The following PCDHA9 variants were observed in gnomAD, a reference collection of about 807,000 sequenced individuals.
PCDHA9 encodes protocadherin alpha 9.
A neutral mutation model predicts 62.0 loss-of-function variants in PCDHA9; 62 were observed. The observed-to-expected ratio is 1.00, with a 90% CI of 0.81 to 1.23. The LOEUF (loss-of-function observed/expected upper bound fraction) is 1.23, where lower values mean the gene tolerates loss of function less well. PCDHA9 is among the 50% of genes most tolerant of loss of function. The pLI, the probability that PCDHA9 is intolerant of heterozygous loss-of-function variation, is 0.00. For synonymous variants in PCDHA9, 557 were observed against 567.6 expected, an observed-to-expected ratio of 0.98 and a Z score of 0.27; for missense variants, 1,205 against 1,249.8, an observed-to-expected ratio of 0.96 and a Z score of 0.54.
chr5:140,975,527 A>G (rs782267941), intron 1 of PCDHA9, among the ~76,000 whole-genome samples: 2 of 152,220 alleles, frequency 1.3e-5, no homozygotes, highest in Non-Finnish European at 2.9e-5. Context: ...CAGTGGATAT[A>G]TTCTTAATAC....
chr5:140,862,165 T>C (rs1003648198), intron 1 of PCDHA9: 39 of 164,612 alleles, frequency 2.4e-4, no homozygotes, highest in Non-Finnish European at 2.3e-4. Context: ...AAGATTCAAA[T>C]ACAGGCAGTT....
Position 141,010,304 on chromosome 5 carries a change from A to C in PCDHA9, c.*367A>C. 1.3e-6 allele frequency: 2 copies of C among 1,548,750 alleles called. No homozygotes were observed. Among genetic ancestry groups the C allele is most frequent in the Non-Finnish European group, 8.7e-7 (1 of 1,146,136 alleles). On this transcript the variant is annotated 3_prime_UTR_variant, in exon 4 of 4. Coordinates refer to ENST00000532602, the MANE Select transcript of PCDHA9 (RefSeq NM_031857.2). ...ATGACACTTGCAGGGCAGGCTGAAA[A>C]GTTTTGAGATTGAGCAGCTTGGGAG...
At chr5:140,936,681 T>G (rs781812048) in intron 1 of PCDHA9, among the ~76,000 whole-genome samples, 3 of 152,246 alleles carry the variant, frequency 2.0e-5, no homozygotes, top group African/African-American at 2.4e-5. Flanking sequence ...CTATTCTGTT[T>G]CATTGGTCAA....
chr5:140,954,057 A>C (rs1554221238), intron 1 of PCDHA9, among the ~76,000 whole-genome samples: 1 of 152,112 alleles, frequency 6.6e-6, no homozygotes, highest in Admixed American at 6.5e-5. Flanking sequence ...TTCCTGCATT[A>C]TTATGCTGAG....
chr5:140,850,045 T>A lies in PCDHA9; in HGVS notation c.1550T>A (p.Val517Glu), dbSNP rs782277317. 1.9e-6 allele frequency: 3 copies of A among 1,596,208 alleles called. No individual in the cohort carries two copies. Among genetic ancestry groups the A allele is most frequent in the Non-Finnish European group, 2.6e-6 (3 of 1,167,714 alleles). Residue 517 changes from valine (V) to glutamate (E), a missense_variant, in exon 1 of 4, where the codon GTG (valine) becomes GAG (glutamate). By Grantham distance (121) the Val-to-Glu change is moderately radical. Transcript: ENST00000532602. ...YVSVHAESGKVYALQPLDHEE... is the reference protein window; with the variant it reads ...YVSVHAESGKEYALQPLDHEE... ...TCAGTGCACGCGGAGAGCGGCAAGG[T>A]GTACGCGCTGCAGCCGTTGGACCAC... is the stretch of plus-strand genomic sequence containing the variant.
chr5:140,930,098 A>G (rs1345846320), intron 1 of PCDHA9: 1 of 152,124 alleles, frequency 6.6e-6, no homozygotes, highest in Non-Finnish European at 1.5e-5. Flanking sequence ...ATTTATACTG[A>G]TAGGAGATCA....
At chr5:140,900,073 G>T (rs1490261769) in intron 1 of PCDHA9, among the ~76,000 whole-genome samples, 1 of 152,072 alleles carries the variant, frequency 6.6e-6, no homozygotes, top group African/African-American at 2.4e-5. Flanking sequence ...GCCTCCAAAA[G>T]TGCTGCAGTT....
At chr5:140,898,054 A>G (rs1401215235) in intron 1 of PCDHA9, among the ~76,000 whole-genome samples, 2 of 151,638 alleles carry the variant, frequency 1.3e-5, no homozygotes, top group African/African-American at 4.8e-5. Flanking sequence ...TTTTCTTGTA[A>G]ATTTGTTTGA....
intron 1 of PCDHA9, chr5:140,857,969 T>A: frequency 6.3e-7 from 1 of 1,596,804 alleles, no homozygotes; most frequent in Non-Finnish European, 8.6e-7. Context: ...TGAGACTGAC[T>A]CGCCACGCCA....
chr5:140,987,579 G>A (rs1587244490), intron 3 of PCDHA9, among the ~76,000 whole-genome samples: 1 of 152,280 alleles, frequency 6.6e-6, no homozygotes, highest in East Asian at 1.9e-4. Flanking sequence ...TCTATAAAAT[G>A]GGGAGAATAG....
intron 1 of PCDHA9, among the ~76,000 whole-genome samples, chr5:140,892,875 G>A (rs1041608064): frequency 1.3e-5 from 2 of 152,022 alleles, no homozygotes; most frequent in Non-Finnish European, 2.9e-5. Flanking sequence ...CTATAATTTC[G>A]TATCCATTAA....
chr5:140,944,710 T>C (rs564606677), intron 1 of PCDHA9, among the ~76,000 whole-genome samples: 1 of 152,300 alleles, frequency 6.6e-6, no homozygotes, highest in East Asian at 1.9e-4. Flanking sequence ...TCAGGTTATT[T>C]TGCCTTTGAA....
chr5:141,003,560 G>T (rs1011065385), intron 3 of PCDHA9, among the ~76,000 whole-genome samples: 1 of 152,062 alleles, frequency 6.6e-6, no homozygotes, highest in Non-Finnish European at 1.5e-5. Context: ...TGATCCACCT[G>T]CCTCAGACTC....
intron 1 of PCDHA9, among the ~76,000 whole-genome samples, chr5:140,854,934 C>G (rs1363898254): frequency 6.7e-6 from 1 of 149,702 alleles, no homozygotes; most frequent in Non-Finnish European, 1.5e-5. Flanking sequence ...CCTCTGAAAG[C>G]AGAAATAATA....
At chr5:140,869,511 A>C in intron 1 of PCDHA9, 1 of 1,614,194 alleles carries the variant, frequency 6.2e-7, no homozygotes, top group Non-Finnish European at 8.5e-7. Context: ...TCTCGCTCAG[A>C]GAACAAAAGC....
At chr5:140,914,654 T>C (rs2076794688) in intron 1 of PCDHA9, among the ~76,000 whole-genome samples, 1 of 152,202 alleles carries the variant, frequency 6.6e-6, no homozygotes, top group Non-Finnish European at 1.5e-5. Flanking sequence ...CTCTCCCTTC[T>C]TTCCATCTTC....
At chr5:140,941,973 C>T (rs1249999637) in intron 1 of PCDHA9, among the ~76,000 whole-genome samples, 4 of 152,068 alleles carry the variant, frequency 2.6e-5, no homozygotes, top group Admixed American at 1.3e-4. Context: ...TTTACTTTCC[C>T]TAAACCTTGA....
chr5:140,992,216 C>G (rs1554252754), intron 3 of PCDHA9, among the ~76,000 whole-genome samples: 1 of 152,100 alleles, frequency 6.6e-6, no homozygotes, highest in African/African-American at 2.4e-5. Flanking sequence ...AAACTACTCT[C>G]CCTTCCTGGG....
rs201501759 is a variant in PCDHA9 at position 140,978,957 on chromosome 5, G to A, written c.2403G>A (p.Gln801=). The stretch of plus-strand genomic sequence containing the variant: ...TCTTTGTGATTTTGCAGCCACGACA[G>A]CCCAACCCTGACTGGCGTTACTCTG... ...ASSDSTGKPR[Q]PNPDWRYSAS... is the part of the protein sequence containing the mutation. Residue 801 remains glutamine, a synonymous_variant, in exon 2 of 4, where the codon CAG becomes CAA. Coordinates refer to ENST00000532602, the MANE Select transcript of PCDHA9 (RefSeq NM_031857.2). 56 of 1,614,040 alleles carry A rather than the reference G, an allele frequency of 3.5e-5. No individual in the cohort carries two copies. In the East Asian group the frequency reaches 1.1e-3, roughly 32 times the overall value.
Sources: allele counts gnomAD v4.1 joint callset (sites outside exome capture counted in the v4.1 genomes callset), GRCh38; gene constraint gnomAD v4.1.1; transcripts MANE v1.5; gene names NCBI Gene and HGNC (gene_info 2026-07-23, HGNC 2026-07-21).